Variants in PAQR5 observed in about 807,000 individuals in gnomAD.
PAQR5 encodes the protein membrane progestin receptor gamma.
PAQR5 carries 20 observed loss-of-function variants against 34.5 expected under a neutral mutation model. That is an observed-to-expected ratio of 0.58 (90% CI 0.41 to 0.84). The LOEUF is 0.84. Ranked by LOEUF, PAQR5 falls within the 40% of genes least tolerant of loss-of-function variation. The probability of loss-of-function intolerance (pLI) is 0.00; values close to 1 mark genes in which losing one functional copy is unlikely to be tolerated. For missense variants in PAQR5, 378 were observed against 412.7 expected (o/e 0.92, Z 0.73); for synonymous variants, 131 against 155.6 (o/e 0.84, Z 1.18).
intron 1 of PAQR5, among the ~76,000 whole-genome samples, chr15:69,306,489 G>A (rs565805099): frequency 2.1e-5 from 3 of 140,420 alleles, no homozygotes; most frequent in South Asian, 4.7e-4. Context: ...TCGGCTCACC[G>A]CAACCTCTGC....
intron 1 of PAQR5, among the ~76,000 whole-genome samples, chr15:69,309,118 G>A (rs1030904223): frequency 3.9e-5 from 6 of 152,142 alleles, no homozygotes; most frequent in African/African-American, 1.2e-4. Flanking sequence ...GAAGCTACAT[G>A]CATACAGGTG....
At chr15:69,398,906 G>A (rs58756943) in intron 7 of PAQR5, among the ~76,000 whole-genome samples, 11,789 of 152,246 alleles carry the variant, frequency 0.077, 834 homozygotes, top group East Asian at 0.18. Context: ...CCTGGATTCA[G>A]ATCCTGACTT....
chr15:69,402,608 G>A (rs577085071), intron 8 of PAQR5, among the ~76,000 whole-genome samples: 4 of 152,146 alleles, frequency 2.6e-5, no homozygotes, highest in African/African-American at 4.8e-5. Context: ...GAACCACCGC[G>A]CCTGGCCTAA....
intron 3 of PAQR5, among the ~76,000 whole-genome samples, chr15:69,377,534 C>G (rs2055740230): frequency 6.6e-6 from 1 of 152,212 alleles, no homozygotes; most frequent in African/African-American, 2.4e-5. Flanking sequence ...TTCACTAGAC[C>G]ATGAATCAAC....
At chr15:69,391,013 G>C (rs2056254075) in intron 6 of PAQR5, among the ~76,000 whole-genome samples, 1 of 152,174 alleles carries the variant, frequency 6.6e-6, no homozygotes, top group Non-Finnish European at 1.5e-5. Context: ...TGGCTGAATA[G>C]GGCCAAGGCT....
chr15:69,324,970 C>G (rs894286889), intron 1 of PAQR5, among the ~76,000 whole-genome samples: 2 of 151,360 alleles, frequency 1.3e-5, no homozygotes, highest in Admixed American at 6.6e-5. Context: ...GCAATCTCAG[C>G]ACATTACAAT....
chr15:69,386,948 C>T (rs995154893), intron 5 of PAQR5, among the ~76,000 whole-genome samples: 8 of 152,146 alleles, frequency 5.3e-5, no homozygotes, highest in East Asian at 1.9e-4. Context: ...GACTAATCCT[C>T]GGGGTCCCCT....
chr15:69,299,337 G>A (rs1284751011), intron 1 of PAQR5, among the ~76,000 whole-genome samples: 1 of 152,236 alleles, frequency 6.6e-6, no homozygotes, highest in African/African-American at 2.4e-5. Flanking sequence ...GAGGGGAGCT[G>A]TTGCCTTCTC....
In PAQR5 at chr15:69,322,811, G is replaced by GGAA. The variant is rs1360531654; in HGVS notation, c.-276-14506_-276-14504dup. ...ACGAGGAAGAAGAAGAAGAGGAAGA[G>GGAA]GAAGAAGAAGAAGAAGAAGAAGAAG... On this transcript the variant is annotated intron_variant, in intron 1 of 8. Coordinates refer to ENST00000395407, the MANE Select transcript of PAQR5 (RefSeq NM_017705.4). 3.4e-3 allele frequency among the ~76,000 whole-genome samples: 87 copies of GGAA among 25,368 alleles called. 29 individuals are homozygous for GGAA. Among genetic ancestry groups the GGAA allele is most frequent in the African/African-American group, 8.0e-3 (87 of 10,836 alleles). The allele number at this position is 25,368 out of a possible 152,430, so 16.6% of individuals were successfully genotyped here. A position where few individuals can be genotyped will look rare whatever the true frequency, so the allele number is the denominator to read the frequency against.
Position 69,300,910 on chromosome 15 carries a change from TTC to T in PAQR5, c.-277+1855_-277+1856del, listed in dbSNP as rs1206175954. 3.1e-4 allele frequency among the ~76,000 whole-genome samples: 8 copies of T among 25,622 alleles called. 1 individual carries two copies. The highest frequency in any genetic ancestry group is 5.7e-4 in the African/African-American group (7 of 12,276). The allele number at this position is 25,622 out of a possible 152,430, so 16.8% of individuals were successfully genotyped here. A position where few individuals can be genotyped will look rare whatever the true frequency, so the allele number is the denominator to read the frequency against. ...CTTTCTTTCTTCCTTCCTTCCTTCC[TTC>T]CTTTCTCTCTCTCTCTCTCTCTCTC... On this transcript the variant is annotated intron_variant, in intron 1 of 8. Transcript: ENST00000395407.
chr15:69,357,452 CG>C (rs1463734327), intron 2 of PAQR5, among the ~76,000 whole-genome samples: 1 of 108,138 alleles, frequency 9.2e-6, no homozygotes, highest in African/African-American at 3.0e-5. Flanking sequence ...TTAGTAGAGA[CG>C]GGGTTTCACC....
intron 2 of PAQR5, among the ~76,000 whole-genome samples, chr15:69,347,929 GACAC>G (rs1203397297): frequency 6.6e-6 from 1 of 152,180 alleles, no homozygotes; most frequent in African/African-American, 2.4e-5. Flanking sequence ...TTTTTAGGGT[GACAC>G]AAACATTCAA....
chr15:69,299,816 G>A (rs1039733017), intron 1 of PAQR5, among the ~76,000 whole-genome samples: 1 of 152,236 alleles, frequency 6.6e-6, no homozygotes, highest in African/African-American at 2.4e-5. Context: ...CTTAGTGGGA[G>A]TCGGGGGTGA....
At chr15:69,310,944 C>T (rs2140541169) in intron 1 of PAQR5, among the ~76,000 whole-genome samples, 1 of 138,520 alleles carries the variant, frequency 7.2e-6, no homozygotes. Flanking sequence ...GAGGCTGAGG[C>T]AGGAGAATGG....
intron 1 of PAQR5, among the ~76,000 whole-genome samples, chr15:69,334,618 C>T (rs964923266): frequency 1.3e-5 from 2 of 152,126 alleles, no homozygotes; most frequent in Admixed American, 6.5e-5. Context: ...AAATCGCTTA[C>T]TTACCAGGTT....
At chr15:69,307,140 G>A (rs2053736839) in intron 1 of PAQR5, among the ~76,000 whole-genome samples, 1 of 151,278 alleles carries the variant, frequency 6.6e-6, no homozygotes. Context: ...TGTCACCCAG[G>A]CTGGAGTGCA....
chr15:69,387,118 C>A (rs1176694742), intron 5 of PAQR5, among the ~76,000 whole-genome samples: 2 of 152,206 alleles, frequency 1.3e-5, no homozygotes, highest in East Asian at 3.9e-4. Flanking sequence ...CTCACCCAGC[C>A]CCTGGAGGCT....
chr15:69,363,016 G>A (rs1482534508), intron 3 of PAQR5, among the ~76,000 whole-genome samples: 1 of 152,092 alleles, frequency 6.6e-6, no homozygotes, highest in African/African-American at 2.4e-5. Flanking sequence ...CTTTTTTATG[G>A]AGTGGCAGGT....
intron 6 of PAQR5, among the ~76,000 whole-genome samples, chr15:69,395,307 T>C (rs2140979360): frequency 6.6e-6 from 1 of 152,334 alleles, no homozygotes; most frequent in East Asian, 1.9e-4. Flanking sequence ...GCCTACTGCC[T>C]GAGACAGAGG....
Sources: gnomAD v4.1 joint callset for allele counts (sites outside exome capture counted in the v4.1 genomes callset) on GRCh38, gnomAD v4.1.1 for gene constraint, MANE v1.5 for transcripts, NCBI Gene and HGNC (gene_info 2026-07-23, HGNC 2026-07-21) for gene names.